The following LINGO1 variants were observed in gnomAD, a reference collection of about 807,000 sequenced individuals.
LINGO1 encodes the protein leucine rich repeat and Ig domain containing 1.
Under a neutral mutation model 37.3 loss-of-function variants are expected in LINGO1, and 11 were observed. The ratio of observed to expected loss-of-function variants is 0.29; its 90% CI spans 0.19 to 0.49. The LOEUF (loss-of-function observed/expected upper bound fraction) is 0.49. Ranked by LOEUF, LINGO1 falls within the 20% of genes least tolerant of loss-of-function variation. LINGO1 has a pLI of 0.99. For missense variants in LINGO1, 585 were observed against 878.2 expected (o/e 0.67, Z 4.22); for synonymous variants, 387 against 403.0 (o/e 0.96, Z 0.48).
At chr15:77,704,932 C>T (rs1176825263) in intron 2 of LINGO1, among the ~76,000 whole-genome samples, 1 of 152,124 alleles carries the variant, frequency 6.6e-6, no homozygotes, top group African/African-American at 2.4e-5. Context: ...CAGTCACCAG[C>T]CACCATGCCC....
intron 3 of LINGO1, among the ~76,000 whole-genome samples, chr15:77,670,126 C>A (rs945006245): frequency 6.6e-6 from 1 of 152,140 alleles, no homozygotes; most frequent in Non-Finnish European, 1.5e-5. Context: ...GATTCCATTT[C>A]TATGAAATGT....
At chr15:77,637,476 C>G (rs1269263626), upstream of LINGO1, among the ~76,000 whole-genome samples, 1 of 152,186 alleles carries the variant, frequency 6.6e-6, no homozygotes, top group South Asian at 2.1e-4. The surrounding 1 kb of genome is among the most constrained non-coding windows in gnomAD (Gnocchi z 4.6). Context: ...ACCTTCCCCT[C>G]GGGCGGGGCT....
At chr15:77,731,271 C>T (rs1596165734) in intron 2 of LINGO1, among the ~76,000 whole-genome samples, 1 of 152,150 alleles carries the variant, frequency 6.6e-6, no homozygotes, top group Non-Finnish European at 1.5e-5. Flanking sequence ...GGCAGAGAGC[C>T]GCCCCACTGC....
chr15:77,703,553 C>T (rs2075811984), intron 2 of LINGO1, among the ~76,000 whole-genome samples: 1 of 152,196 alleles, frequency 6.6e-6, no homozygotes, highest in African/African-American at 2.4e-5. Context: ...GGGTGGCAAT[C>T]TTCCCACCAC....
intron 1 of LINGO1, among the ~76,000 whole-genome samples, chr15:77,797,398 CTCTT>C (rs2076882263): frequency 1.3e-5 from 2 of 152,184 alleles, no homozygotes; most frequent in African/African-American, 4.8e-5. Context: ...CTACGTGTTT[CTCTT>C]TCTGTGTATT....
chr15:77,763,398 A>G (rs2076497049), intron 1 of LINGO1, among the ~76,000 whole-genome samples: 1 of 152,048 alleles, frequency 6.6e-6, no homozygotes, highest in Non-Finnish European at 1.5e-5. Context: ...TACCTCCCCC[A>G]GCCCTCACCC....
chr15:77,665,171 A>G (rs1254652572), intron 3 of LINGO1, among the ~76,000 whole-genome samples: 1 of 152,202 alleles, frequency 6.6e-6, no homozygotes, highest in African/African-American at 2.4e-5. Flanking sequence ...CAAATCCTCG[A>G]AAAGCTTCCA....
intron 2 of LINGO1, among the ~76,000 whole-genome samples, chr15:77,718,762 G>A (rs11854808): frequency 0.22 from 32,442 of 150,444 alleles, 4,998 homozygotes; most frequent in Middle Eastern, 0.3. Flanking sequence ...TGGGCTCTGT[G>A]CCTGCCCCAG....
At chr15:77,738,770 AGG>A (rs1389989802) in intron 1 of LINGO1, among the ~76,000 whole-genome samples, 1 of 150,382 alleles carries the variant, frequency 6.6e-6, no homozygotes, top group African/African-American at 2.4e-5. Context: ...GAAGGAAGGA[AGG>A]AAGGAAGGAA....
chr15:77,689,397 G>A (rs1331101737), intron 2 of LINGO1, among the ~76,000 whole-genome samples: 1 of 152,206 alleles, frequency 6.6e-6, no homozygotes, highest in Non-Finnish European at 1.5e-5. Context: ...AGGGTAGGCT[G>A]CCCAGATGCC....
chr15:77,801,803 G>A (rs1013526293), intron 1 of LINGO1, among the ~76,000 whole-genome samples: 4 of 152,140 alleles, frequency 2.6e-5, no homozygotes, highest in Non-Finnish European at 2.9e-5. Flanking sequence ...CCATGCCTAC[G>A]CTCCCCCAGG....
At chr15:77,739,532 G>C (rs767074590) in intron 1 of LINGO1, among the ~76,000 whole-genome samples, 2 of 152,096 alleles carry the variant, frequency 1.3e-5, no homozygotes, top group Non-Finnish European at 2.9e-5. Context: ...TGCCTTGATG[G>C]AACAAAGGTT....
chr15:77,673,793 A>G (rs1031905571), intron 3 of LINGO1, among the ~76,000 whole-genome samples: 2 of 151,922 alleles, frequency 1.3e-5, no homozygotes, highest in African/African-American at 4.8e-5. Context: ...TGTCAACTCC[A>G]TGGTTCTGCC....
At chr15:77,677,908 A>G (rs776736767) in intron 2 of LINGO1, among the ~76,000 whole-genome samples, 1 of 152,198 alleles carries the variant, frequency 6.6e-6, no homozygotes, top group Admixed American at 6.5e-5. Flanking sequence ...CCATGCCCAG[A>G]GGAGGGTGAA....
chr15:77,762,214 G>A (rs2141385106), intron 1 of LINGO1, among the ~76,000 whole-genome samples: 1 of 152,338 alleles, frequency 6.6e-6, no homozygotes, highest in Admixed American at 6.5e-5. Flanking sequence ...AGAAACTGTG[G>A]CATGAGGACA....
intron 3 of LINGO1, chr15:77,652,310 T>C (rs1315452810): frequency 2.0e-5 from 3 of 151,976 alleles, no homozygotes; most frequent in East Asian, 1.9e-4. Context: ...GTTGCTATTA[T>C]TGATTCATTG....
At position 77,777,465 on chromosome 15, in the gene LINGO1, G is replaced by GCGCA. The variant is rs1248160455; in HGVS notation, c.-257+9403_-257+9404insTGCG. Among the ~76,000 whole-genome samples the GCGCA allele has an allele frequency of 1.3e-3, 182 of 140,102 alleles. 4 individuals carry two copies. In the East Asian group the frequency reaches 0.025, roughly 19 times the overall value. The allele number at this position is 140,102 out of a possible 152,430, so 91.9% of individuals were successfully genotyped here. On this transcript the variant is annotated intron_variant, in intron 1 of 3. Coordinates refer to the LINGO1 transcript ENST00000561686. ...ACAGATTTTGGACATATACACACACGCACACACACACACACACACACACAC... is the reference window on the plus strand; with the variant it reads ...ACAGATTTTGGACATATACACACACGCGCACACACACACACACACACACACACAC...
intron 1 of LINGO1, among the ~76,000 whole-genome samples, chr15:77,747,885 G>A (rs953424076): frequency 1.3e-5 from 2 of 152,040 alleles, no homozygotes; most frequent in Admixed American, 6.5e-5. Context: ...GTGGAGGAAG[G>A]AGGCAGGGAG....
chr15:77,617,989 C>A (rs1226842826), intron 1 of LINGO1, among the ~76,000 whole-genome samples: 3 of 152,236 alleles, frequency 2.0e-5, no homozygotes, highest in Non-Finnish European at 4.4e-5. Flanking sequence ...CCCCACCCGA[C>A]CCCCACCAGG....
Sources: allele counts gnomAD v4.1 joint callset (sites outside exome capture counted in the v4.1 genomes callset), GRCh38; gene constraint gnomAD v4.1.1; non-coding constraint Gnocchi (gnomAD v3.1); transcripts MANE v1.5; gene names NCBI Gene and HGNC (gene_info 2026-07-23, HGNC 2026-07-21).